BRAF: variants seen among roughly 807,000 people sequenced by gnomAD.
BRAF encodes serine/threonine-protein kinase B-raf.
Under a neutral mutation model 104.6 loss-of-function variants are expected in BRAF, and 16 were observed. The observed-to-expected ratio is 0.15, with a 90% CI of 0.10 to 0.23. The LOEUF is 0.23. Among genes scored for constraint, BRAF ranks in the 10% least tolerant of loss-of-function variants. BRAF has a pLI of 1.00. For missense variants in BRAF, 541 were observed against 937.3 expected (o/e 0.58, Z 5.52); for synonymous variants, 310 against 341.6 (o/e 0.91, Z 1.02).
chr7:140,714,097 G>T, the BRAF span, among the ~76,000 whole-genome samples: 1 of 152,238 alleles, frequency 6.6e-6, no homozygotes, highest in African/African-American at 2.4e-5. Flanking sequence ...CAGATCTCAA[G>T]CTACATGCTG....
In BRAF at chr7:140,794,422, A is replaced by C; in HGVS notation, c.1026T>G (p.Ile342Met). Reference sequence around the variant, plus strand: ...CATCTGCTGGTCGGAAGGGCTGTGGAATTGGAATGGATTTTGAAGGAGACG... The same window carrying C: ...CATCTGCTGGTCGGAAGGGCTGTGGCATTGGAATGGATTTTGAAGGAGACG... The part of the protein sequence containing the change: ...TSPSPSKSIP[I>M]PQPFRPADED... Residue 342 changes from isoleucine (I) to methionine (M), a missense_variant, in exon 8 of 20, where the codon ATT becomes ATG. Around this residue, in one of 10 missense-constraint regions of BRAF, gnomAD observed 79 missense variants for 74.6 expected, o/e 1.06. Coordinates refer to ENST00000644969, the MANE Select transcript of BRAF (RefSeq NM_001374258.1). 1 of 1,614,050 alleles carries C rather than the reference A, an allele frequency of 6.2e-7. No individual in the cohort carries two copies. The highest frequency in any genetic ancestry group is 8.5e-7 in the Non-Finnish European group (1 of 1,180,012).
At chr7:140,753,210 C>T (rs1797923577) in intron 16 of BRAF, 65 bp downstream of exon 15, 1 of 1,156,642 alleles carries the variant, frequency 8.6e-7, no homozygotes, top group Admixed American at 1.7e-5. Context: ...CAATGACTTT[C>T]TAGTAACTCA....
intron 17 of BRAF, chr7:140,741,338 G>C (rs1185283861): frequency 6.6e-6 from 1 of 152,184 alleles, no homozygotes; most frequent in Non-Finnish European, 1.5e-5. Flanking sequence ...AACAGGATTT[G>C]TAGAGAAGAC....
At chr7:140,858,516 C>A (rs908199944) in intron 1 of BRAF, among the ~76,000 whole-genome samples, 1 of 152,144 alleles carries the variant, frequency 6.6e-6, no homozygotes, top group African/African-American at 2.4e-5. Context: ...TAAATCATTT[C>A]ATGGGAGAAC....
intron 1 of BRAF, among the ~76,000 whole-genome samples, chr7:140,870,019 A>G (rs1312012167): frequency 6.6e-6 from 1 of 152,228 alleles, no homozygotes; most frequent in African/African-American, 2.4e-5. Flanking sequence ...GCAAGGGGGA[A>G]AGGAAGGAAA....
chr7:140,734,278 T>G (rs564997118), intron 19 of BRAF: 1 of 1,225,228 alleles, frequency 8.2e-7, no homozygotes, highest in African/African-American at 1.5e-5. Context: ...GCAACAAAAG[T>G]TGCATGAGAA....
At chr7:140,868,112 A>G (rs1811179753) in intron 1 of BRAF, among the ~76,000 whole-genome samples, 2 of 152,226 alleles carry the variant, frequency 1.3e-5, no homozygotes, top group Admixed American at 1.3e-4. Context: ...GGTCACAGAC[A>G]TGAATGAGCA....
chr7:140,734,409 T>G, intron 19 of BRAF: 2 of 1,477,140 alleles, frequency 1.4e-6, no homozygotes, highest in Non-Finnish European at 1.8e-6. Context: ...CCTTGGATGT[T>G]AAAAATCCAA....
At chr7:140,732,864 T>TA (rs1222586488) in intron 19 of BRAF, 1 of 152,188 alleles carries the variant, frequency 6.6e-6, no homozygotes, top group Admixed American at 6.5e-5. Context: ...GTCAATTTTG[T>TA]AAAAACTTTG....
chr7:140,825,391 T>A (rs555750592), intron 3 of BRAF, among the ~76,000 whole-genome samples: 1 of 152,314 alleles, frequency 6.6e-6, no homozygotes, highest in South Asian at 2.1e-4. Flanking sequence ...ATACTGTCTT[T>A]TGAAGAGCAG....
At chr7:140,900,509 G>A (rs1371801211) in intron 1 of BRAF, among the ~76,000 whole-genome samples, 1 of 152,178 alleles carries the variant, frequency 6.6e-6, no homozygotes, top group Non-Finnish European at 1.5e-5. Context: ...AAGAGCAGGT[G>A]TCCCTCCACC....
At position 140,728,342 on chromosome 7, in the gene BRAF, T is replaced by A. The variant is rs115283546; in HGVS notation, c.2402-1826A>T. Among the ~76,000 whole-genome samples, 1,344 of 152,334 alleles carry A rather than the reference T, an allele frequency of 8.8e-3. 23 individuals carry two copies. Among genetic ancestry groups the A allele is most frequent in the African/African-American group, 0.03 (1,262 of 41,580 alleles). ...GCTGACTCCAAGACCCAGCAGTCCC[T>A]AAACAACTTTCAACAATTAACACTT... is the stretch of plus-strand genomic sequence containing the variant. On this transcript the variant is annotated intron_variant, in intron 19 of 19. Transcript: ENST00000644969.
intron 2 of BRAF, among the ~76,000 whole-genome samples, chr7:140,847,537 C>T (rs1028405618): frequency 1.3e-5 from 2 of 151,524 alleles, no homozygotes; most frequent in Non-Finnish European, 2.9e-5. Flanking sequence ...GAGCCAAGAT[C>T]GTGCCACTGC....
chr7:140,840,129 T>C (rs1807779792), intron 2 of BRAF, among the ~76,000 whole-genome samples: 2 of 152,206 alleles, frequency 1.3e-5, no homozygotes, highest in African/African-American at 4.8e-5. Flanking sequence ...AAGCTAACTT[T>C]GGAATAAAAA....
chr7:140,897,275 A>T (rs1815037485), intron 1 of BRAF, among the ~76,000 whole-genome samples: 1 of 152,152 alleles, frequency 6.6e-6, no homozygotes, highest in African/African-American at 2.4e-5. Context: ...GGTCCATGGG[A>T]ATCTGGTAGA....
intron 1 of BRAF, among the ~76,000 whole-genome samples, chr7:140,888,633 C>G (rs991123217): frequency 6.6e-6 from 1 of 152,014 alleles, no homozygotes; most frequent in African/African-American, 2.4e-5. Flanking sequence ...GTTGGGAGTT[C>G]GAGACCAGCC....
At chr7:140,787,522 T>TA (rs770517262) in intron 9 of BRAF, 26 bp downstream of exon 9, 7 of 1,606,064 alleles carry the variant, frequency 4.4e-6, no homozygotes, top group African/African-American at 1.3e-5. Context: ...CTTGAGTTTT[T>TA]AAAAAAACCT....
chr7:140,772,245 C>T (rs1256321765), intron 14 of BRAF, among the ~76,000 whole-genome samples: 2 of 151,168 alleles, frequency 1.3e-5, no homozygotes, highest in Non-Finnish European at 2.9e-5. Flanking sequence ...TAACATCTGT[C>T]AGCCTGATTA....
intron 14 of BRAF, among the ~76,000 whole-genome samples, chr7:140,774,730 TG>T (rs1328184172): frequency 6.6e-6 from 1 of 152,198 alleles, no homozygotes; most frequent in Non-Finnish European, 1.5e-5. Context: ...GTTTCCTGGC[TG>T]GTCTTGAACT....
Sources: gnomAD v4.1 joint callset for allele counts (sites outside exome capture counted in the v4.1 genomes callset) on GRCh38, gnomAD v4.1.1 for gene constraint, gnomAD v4.1.1 regional missense constraint, MANE v1.5 for transcripts, NCBI Gene and HGNC (gene_info 2026-07-23, HGNC 2026-07-21) for gene names.